Variants in RANBP2 observed in about 807,000 individuals in gnomAD.
RANBP2 encodes E3 SUMO-protein ligase RanBP2.
Under a neutral mutation model 303.6 loss-of-function variants are expected in RANBP2, and 57 were observed. The ratio of observed to expected loss-of-function variants is 0.19; its 90% CI spans 0.15 to 0.23. The LOEUF (loss-of-function observed/expected upper bound fraction) is 0.23, where lower values mean the gene tolerates loss of function less well. RANBP2 is among the 10% of genes least tolerant of loss of function. The pLI is 1.00. For synonymous variants in RANBP2, 1,167 were observed against 1,301.5 expected (o/e 0.90, Z 2.23); for missense variants, 3,138 against 3,780.8 (o/e 0.83, Z 4.46).
the RANBP2 span, among the ~76,000 whole-genome samples, chr2:109,270,198 A>G: frequency 2.0e-5 from 3 of 152,172 alleles, no homozygotes; most frequent in Non-Finnish European, 2.9e-5. Context: ...TTGGGGCAGC[A>G]TGTGGCCTGT....
chr2:109,473,000 C>T, the RANBP2 span, among the ~76,000 whole-genome samples: 1 of 152,200 alleles, frequency 6.6e-6, no homozygotes, highest in East Asian at 1.9e-4. Context: ...GCCTTTCCTA[C>T]CTTAGTGAAA....
the RANBP2 span, among the ~76,000 whole-genome samples, chr2:109,682,876 C>T: frequency 6.6e-6 from 1 of 152,196 alleles, no homozygotes; most frequent in Non-Finnish European, 1.5e-5. Flanking sequence ...ACTGTCCGCT[C>T]CCTGGCCCTG....
rs1390048713 is a variant in RANBP2 at position 108,782,868 on chromosome 2, T to C, written c.9369+6T>C. The C allele has an allele frequency of 6.2e-7, 1 of 1,603,218 alleles. No homozygotes were observed. The highest frequency in any genetic ancestry group is 8.5e-7 in the Non-Finnish European group (1 of 1,172,572). On this transcript the variant is annotated splice_donor_region_variant and intron_variant, in intron 28 of 28. Coordinates refer to ENST00000283195, the MANE Select transcript of RANBP2 (RefSeq NM_006267.5). ...TTCCAGATTTTGTTTGCCAAGTAGGTATTATTAAGTACATACCACAATTGA... is the reference window on the plus strand; with the variant it reads ...TTCCAGATTTTGTTTGCCAAGTAGGCATTATTAAGTACATACCACAATTGA...
At chr2:109,337,713 A>T in the RANBP2 span, among the ~76,000 whole-genome samples, 3 of 151,296 alleles carry the variant, frequency 2.0e-5, no homozygotes, top group Non-Finnish European at 4.4e-5. Context: ...CTTGGTGGTC[A>T]AGTTTGTTTT....
chr2:109,594,580 T>C, the RANBP2 span: 3 of 151,500 alleles, frequency 2.0e-5, no homozygotes, highest in Non-Finnish European at 2.9e-5. Context: ...GGTGTATACA[T>C]ATCGACGCTC....
At chr2:109,282,898 C>T in the RANBP2 span, among the ~76,000 whole-genome samples, 3 of 152,180 alleles carry the variant, frequency 2.0e-5, no homozygotes, top group Non-Finnish European at 2.9e-5. Flanking sequence ...CCCCTGTAGA[C>T]TCAGGTGACA....
At chr2:108,891,659 G>T in the RANBP2 span, among the ~76,000 whole-genome samples, 1 of 152,198 alleles carries the variant, frequency 6.6e-6, no homozygotes, top group African/African-American at 2.4e-5. Flanking sequence ...CAGGTGGCTT[G>T]TTCAGTTGCT....
chr2:109,395,306 C>T, the RANBP2 span, among the ~76,000 whole-genome samples: 3 of 152,196 alleles, frequency 2.0e-5, no homozygotes, highest in Non-Finnish European at 2.9e-5. Context: ...GCTTTCAGAA[C>T]GAAGACTGAC....
At chr2:109,112,725 T>TGGTA in the RANBP2 span, among the ~76,000 whole-genome samples, 479 of 152,306 alleles carry the variant, frequency 3.1e-3, 2 homozygotes, top group African/African-American at 0.011. Flanking sequence ...ATGTCCTGAG[T>TGGTA]GGTAATGCTT....
the RANBP2 span, among the ~76,000 whole-genome samples, chr2:109,677,268 C>T: frequency 1.3e-5 from 2 of 152,170 alleles, no homozygotes; most frequent in South Asian, 4.1e-4. Context: ...CTGGATAGGA[C>T]CCATTCAGAT....
At chr2:109,262,418 G>T in the RANBP2 span, among the ~76,000 whole-genome samples, 6 of 152,174 alleles carry the variant, frequency 3.9e-5, no homozygotes, top group African/African-American at 1.4e-4. Context: ...TGCTTTCGAT[G>T]CCCTGGGAAC....
At chr2:109,428,121 A>AGGAGGAAGCAC in the RANBP2 span, among the ~76,000 whole-genome samples, 1 of 152,306 alleles carries the variant, frequency 6.6e-6, no homozygotes, top group Non-Finnish European at 1.5e-5. Context: ...GGAAGAGGTG[A>AGGAGGAAGCAC]GGAGGAAGCA....
At chr2:109,686,688 A>G in the RANBP2 span, among the ~76,000 whole-genome samples, 5 of 152,124 alleles carry the variant, frequency 3.3e-5, no homozygotes, top group Non-Finnish European at 7.3e-5. Context: ...CTCAGCTCAC[A>G]GTAACCTCCA....
At chr2:109,535,092 G>A in the RANBP2 span, among the ~76,000 whole-genome samples, 2 of 152,144 alleles carry the variant, frequency 1.3e-5, no homozygotes, top group East Asian at 1.9e-4. Context: ...GAAGATGGAG[G>A]CTATTAGGCC....
chr2:108,962,400 G>A, the RANBP2 span, among the ~76,000 whole-genome samples: 1 of 152,244 alleles, frequency 6.6e-6, no homozygotes, highest in Non-Finnish European at 1.5e-5. Flanking sequence ...TCGGCCAGAC[G>A]CGGTGGCTCA....
chr2:109,456,440 T>C, the RANBP2 span, among the ~76,000 whole-genome samples: 1 of 152,244 alleles, frequency 6.6e-6, no homozygotes, highest in Non-Finnish European at 1.5e-5. Flanking sequence ...AGGCATAAAC[T>C]GCTGGAGCAT....
the RANBP2 span, among the ~76,000 whole-genome samples, chr2:109,145,344 G>A: frequency 3.9e-5 from 6 of 152,180 alleles, no homozygotes; most frequent in Non-Finnish European, 8.8e-5. Flanking sequence ...CAGGTTTGCA[G>A]TCCCATGGCC....
the RANBP2 span, among the ~76,000 whole-genome samples, chr2:109,203,605 T>G: frequency 1.3e-5 from 2 of 152,134 alleles, no homozygotes; most frequent in Non-Finnish European, 2.9e-5. Context: ...TTCTCCACTT[T>G]CCCTTTGCAC....
rs1389706312 is a variant in RANBP2, at chr2:108,730,784, A to G, written c.151A>G (p.Thr51Ala). Residue 51 changes from threonine (T) to alanine (A), a missense_variant, in exon 3 of 29, where the codon ACT (threonine) becomes GCT (alanine). By Grantham distance (58) the Thr-to-Ala change is moderately conservative. This residue lies in a region of RANBP2 where 306 missense variants were observed against 381.9 expected (regional missense o/e 0.80). Coordinates refer to ENST00000283195, the MANE Select transcript of RANBP2 (RefSeq NM_006267.5). ...ACTTTTAAAAAACAGATACATATGT[A>G]CTTACATTAATGTGCAAGAGAGGGA... The part of the protein sequence containing the change: ...EYDLAKKYIC[T>A]YINVQERDPK... The G allele has an allele frequency of 1.2e-6, 2 of 1,611,564 alleles. No homozygotes were observed. Among genetic ancestry groups the G allele is most frequent in the African/African-American group, 1.3e-5 (1 of 74,960 alleles).
Sources: gnomAD v4.1 joint callset for allele counts (sites outside exome capture counted in the v4.1 genomes callset) on GRCh38, gnomAD v4.1.1 for gene constraint, gnomAD v4.1.1 regional missense constraint, MANE v1.5 for transcripts, NCBI Gene and HGNC (gene_info 2026-07-23, HGNC 2026-07-21) for gene names.